The following BTG4 variants were observed in gnomAD, a reference collection of about 807,000 sequenced individuals.
The protein encoded by BTG4 is protein BTG4.
In BTG4, 10 loss-of-function variants were observed where a neutral mutation model predicts 19.3. That is an observed-to-expected ratio of 0.52 (90% confidence interval 0.32 to 0.88). The LOEUF (loss-of-function observed/expected upper bound fraction) is 0.88. Ranked by LOEUF, BTG4 falls within the 40% of genes least tolerant of loss-of-function variation. The probability of loss-of-function intolerance (pLI) is 0.04; values close to 1 mark genes in which losing one functional copy is unlikely to be tolerated. For missense variants in BTG4, 238 were observed against 281.9 expected, an observed-to-expected ratio of 0.84 and a Z score of 1.11; for synonymous variants, 91 against 95.7, an observed-to-expected ratio of 0.95 and a Z score of 0.29.
chr11:111,465,633 C>A (rs138137615), downstream of BTG4, among the ~76,000 whole-genome samples: 1 of 152,236 alleles, frequency 6.6e-6, no homozygotes, highest in African/African-American at 2.4e-5. Context: ...AGTCTTTCCC[C>A]AGACCCTGTG....
intron 5 of BTG4, among the ~76,000 whole-genome samples, chr11:111,480,584 T>A (rs577822658): frequency 6.6e-6 from 1 of 152,086 alleles, no homozygotes; most frequent in Admixed American, 6.6e-5. Context: ...CAAATTTTTT[T>A]AAATTGAAAA....
chr11:111,393,040 T>G, the BTG4 span, among the ~76,000 whole-genome samples: 1 of 151,944 alleles, frequency 6.6e-6, no homozygotes, highest in Non-Finnish European at 1.5e-5. Flanking sequence ...TGCCACAGAG[T>G]GATGACAGAT....
the BTG4 span, among the ~76,000 whole-genome samples, chr11:111,422,871 T>C: frequency 1.3e-5 from 2 of 152,180 alleles, no homozygotes; most frequent in South Asian, 2.1e-4. Flanking sequence ...GAGGGCAGTT[T>C]TGGATTCTAT....
the BTG4 span, chr11:111,385,030 A>G: frequency 6.6e-6 from 1 of 152,130 alleles, no homozygotes; most frequent in South Asian, 2.1e-4. Flanking sequence ...AAATAAACAT[A>G]AAAGTGGATC....
the BTG4 span, among the ~76,000 whole-genome samples, chr11:111,407,993 G>C: frequency 7.9e-5 from 12 of 152,332 alleles, no homozygotes; most frequent in African/African-American, 2.9e-4. Context: ...AGGCCTCCAT[G>C]GCCACAGCCC....
the BTG4 span, among the ~76,000 whole-genome samples, chr11:111,421,813 T>G: frequency 1.3e-5 from 2 of 151,910 alleles, no homozygotes; most frequent in Non-Finnish European, 2.9e-5. Flanking sequence ...CTCAGGAGGC[T>G]GAGGCAAGAG....
the BTG4 span, among the ~76,000 whole-genome samples, chr11:111,440,293 C>G: frequency 6.6e-6 from 1 of 152,184 alleles, no homozygotes; most frequent in East Asian, 1.9e-4. Flanking sequence ...ATCCCAGAAT[C>G]TCACTTCTGC....
the BTG4 span, among the ~76,000 whole-genome samples, chr11:111,403,986 G>A: frequency 6.6e-6 from 1 of 152,140 alleles, no homozygotes; most frequent in Non-Finnish European, 1.5e-5. Context: ...CATTGATATG[G>A]TTTGGCTGTG....
the BTG4 span, among the ~76,000 whole-genome samples, chr11:111,413,799 G>A: frequency 6.6e-6 from 1 of 152,242 alleles, no homozygotes; most frequent in Non-Finnish European, 1.5e-5. Context: ...CGAAGAGAAG[G>A]GGACAGATGA....
At chr11:111,405,515 G>A in the BTG4 span, among the ~76,000 whole-genome samples, 4 of 147,614 alleles carry the variant, frequency 2.7e-5, no homozygotes, top group South Asian at 4.6e-4. Context: ...CCTCTTTATC[G>A]TTTTCTGGGA....
At chr11:111,451,679 G>A in the BTG4 span, among the ~76,000 whole-genome samples, 75 of 152,208 alleles carry the variant, frequency 4.9e-4, no homozygotes, top group Non-Finnish European at 9.0e-4. Flanking sequence ...CAGGAGAATC[G>A]CTTGAACCCG....
chr11:111,426,981 A>G, the BTG4 span, among the ~76,000 whole-genome samples: 3 of 152,200 alleles, frequency 2.0e-5, no homozygotes, highest in African/African-American at 7.2e-5. Flanking sequence ...CTGAAGTCAC[A>G]AAGACAGAAT....
chr11:111,389,675 G>A, the BTG4 span, among the ~76,000 whole-genome samples: 1 of 152,214 alleles, frequency 6.6e-6, no homozygotes, highest in Non-Finnish European at 1.5e-5. Context: ...TGAACCCAGT[G>A]TTGCTATCAC....
At chr11:111,472,978 G>C (rs552041046) in intron 5 of BTG4, among the ~76,000 whole-genome samples, 1 of 152,032 alleles carries the variant, frequency 6.6e-6, no homozygotes, top group African/African-American at 2.4e-5. Flanking sequence ...TGTTATGATT[G>C]AGAGTTTTAC....
chr11:111,434,498 T>TG, the BTG4 span, among the ~76,000 whole-genome samples: 1 of 152,134 alleles, frequency 6.6e-6, no homozygotes, highest in Non-Finnish European at 1.5e-5. Flanking sequence ...TATACCTATG[T>TG]AACAAACCTG....
the BTG4 span, among the ~76,000 whole-genome samples, chr11:111,402,484 C>G: frequency 1.3e-5 from 2 of 152,162 alleles, no homozygotes; most frequent in African/African-American, 4.8e-5. Context: ...TTCAACCAAC[C>G]TGAGGAAAAG....
the BTG4 span, among the ~76,000 whole-genome samples, chr11:111,421,835 C>T: frequency 6.6e-6 from 1 of 152,056 alleles, no homozygotes; most frequent in Admixed American, 6.5e-5. Flanking sequence ...ATCGCTTGAA[C>T]CAGGGCAGCA....
chr11:111,472,410 G>A (rs1230434902), intron 5 of BTG4, among the ~76,000 whole-genome samples: 4 of 152,174 alleles, frequency 2.6e-5, no homozygotes, highest in African/African-American at 9.6e-5. Flanking sequence ...GCAATACCTG[G>A]AGATGTTTTT....
At chr11:111,446,950 G>A in the BTG4 span, among the ~76,000 whole-genome samples, 24 of 152,298 alleles carry the variant, frequency 1.6e-4, no homozygotes, top group African/African-American at 5.8e-4. Context: ...ATGCACTCTG[G>A]ATTTGAAAGA....
Sources: gnomAD v4.1 joint callset for allele counts (sites outside exome capture counted in the v4.1 genomes callset) on GRCh38, gnomAD v4.1.1 for gene constraint, MANE v1.5 for transcripts, NCBI Gene and HGNC (gene_info 2026-07-23, HGNC 2026-07-21) for gene names.